Variants in ERBB4 observed in about 807,000 individuals in gnomAD.
ERBB4 encodes the protein receptor tyrosine-protein kinase erbB-4.
ERBB4 carries 42 observed loss-of-function variants against 158.0 expected under a neutral mutation model. That is an observed-to-expected ratio of 0.27 (90% CI 0.21 to 0.34). The LOEUF (loss-of-function observed/expected upper bound fraction) is 0.34. Among genes scored for constraint, ERBB4 ranks in the 10% least tolerant of loss-of-function variants. The probability of loss-of-function intolerance (pLI) is 1.00; values close to 1 mark genes in which losing one functional copy is unlikely to be tolerated. For synonymous variants in ERBB4, 583 were observed against 558.7 expected, an observed-to-expected ratio of 1.04 and a Z score of -0.61; for missense variants, 1,333 against 1,624.1, an observed-to-expected ratio of 0.82 and a Z score of 3.08.
chr2:211,681,508 C>A (rs2072332805), intron 12 of ERBB4, among the ~76,000 whole-genome samples: 1 of 152,122 alleles, frequency 6.6e-6, no homozygotes. Flanking sequence ...ATTTAGTTTC[C>A]CTACATCTTC....
chr2:212,302,118 CAT>C (rs543545017), intron 1 of ERBB4, among the ~76,000 whole-genome samples: 3 of 151,344 alleles, frequency 2.0e-5, no homozygotes, highest in African/African-American at 7.3e-5. Context: ...ATTTACTAGA[CAT>C]GTGATCTTGG....
rs1221490783 is a variant in ERBB4 at position 211,886,401 on chromosome 2, T to C, written c.421+61029A>G. Among the ~76,000 whole-genome samples the C allele has an allele frequency of 2.0e-5, 3 of 152,108 alleles. No individual in the cohort carries two copies. In the East Asian group the frequency reaches 5.8e-4, roughly 29 times the overall value. ...ATCAGCAAGAATAATGCATGGTACA[T>C]GGAAGGCACTCAAAAAATATTCATT... On this transcript the variant is annotated intron_variant, in intron 3 of 27. Transcript: ENST00000342788.
chr2:212,336,093 G>A (rs534981189), intron 1 of ERBB4, among the ~76,000 whole-genome samples: 7 of 151,986 alleles, frequency 4.6e-5, no homozygotes, highest in South Asian at 2.1e-4. Flanking sequence ...GATACATGGC[G>A]GAGGGTCGTA....
chr2:211,701,466 A>T (rs191879820), intron 12 of ERBB4, among the ~76,000 whole-genome samples: 478 of 151,932 alleles, frequency 3.1e-3, no homozygotes, highest in African/African-American at 0.011. Flanking sequence ...TCTTAAGATC[A>T]GGCAAGACGG....
chr2:212,409,989 A>T (rs950399516), intron 1 of ERBB4, among the ~76,000 whole-genome samples: 1 of 152,118 alleles, frequency 6.6e-6, no homozygotes, highest in Non-Finnish European at 1.5e-5. Flanking sequence ...TCATCTTCAG[A>T]AAACAATAAA....
At chr2:211,476,913 T>G (rs1295483699) in intron 20 of ERBB4, among the ~76,000 whole-genome samples, 1 of 152,000 alleles carries the variant, frequency 6.6e-6, no homozygotes, top group Non-Finnish European at 1.5e-5. Flanking sequence ...ACAAATAAAT[T>G]GCAAAGGAAA....
At chr2:211,525,305 G>T (rs1272581196) in intron 20 of ERBB4, among the ~76,000 whole-genome samples, 1 of 152,176 alleles carries the variant, frequency 6.6e-6, no homozygotes, top group African/African-American at 2.4e-5. Flanking sequence ...CAGGAAAGGA[G>T]AGGGAAATGT....
intron 1 of ERBB4, among the ~76,000 whole-genome samples, chr2:212,331,063 TATATATATACAC>T (rs1224051130): frequency 2.5e-4 from 31 of 125,530 alleles, no homozygotes; most frequent in African/African-American, 8.3e-4. Context: ...AATTTGTATA[TATATATATACAC>T]ATATATATAT....
intron 3 of ERBB4, among the ~76,000 whole-genome samples, chr2:211,860,351 T>G (rs544073775): frequency 6.6e-6 from 1 of 152,316 alleles, no homozygotes; most frequent in South Asian, 2.1e-4. Flanking sequence ...TTTATAAGCC[T>G]AACTCTTAAA....
chr2:212,071,206 TA>T (rs1204776749), intron 2 of ERBB4, among the ~76,000 whole-genome samples: 1 of 151,820 alleles, frequency 6.6e-6, no homozygotes, highest in Non-Finnish European at 1.5e-5. Context: ...GCACTTGATA[TA>T]AAAATATTTT....
chr2:211,610,427 A>T (rs1245246072), intron 19 of ERBB4, among the ~76,000 whole-genome samples: 1 of 152,114 alleles, frequency 6.6e-6, no homozygotes, highest in Non-Finnish European at 1.5e-5. Flanking sequence ...TTGAGGTTTG[A>T]CATATTGGAA....
At chr2:211,729,457 G>T (rs1234788568) in intron 5 of ERBB4, among the ~76,000 whole-genome samples, 1 of 151,238 alleles carries the variant, frequency 6.6e-6, no homozygotes, top group Admixed American at 6.6e-5. Flanking sequence ...TAGGCAAAAA[G>T]AACAAAACAA....
chr2:211,838,146 G>A (rs969511470), intron 3 of ERBB4, among the ~76,000 whole-genome samples: 2 of 152,026 alleles, frequency 1.3e-5, no homozygotes, highest in South Asian at 2.1e-4. Flanking sequence ...ACTTGTGTTC[G>A]CTTTCCATGT....
intron 2 of ERBB4, among the ~76,000 whole-genome samples, chr2:212,062,860 G>T (rs1331280339): frequency 6.6e-6 from 1 of 152,114 alleles, no homozygotes; most frequent in Non-Finnish European, 1.5e-5. Context: ...TGTGTATAAT[G>T]TCATCTCCAC....
intron 1 of ERBB4, among the ~76,000 whole-genome samples, chr2:212,393,063 A>G (rs894503699): frequency 2.6e-5 from 4 of 151,996 alleles, no homozygotes; most frequent in Non-Finnish European, 4.4e-5. Flanking sequence ...GCATGGCTCA[A>G]ATCCCTTGCA....
intron 19 of ERBB4, among the ~76,000 whole-genome samples, chr2:211,580,038 G>A (rs930555967): frequency 6.6e-6 from 1 of 152,146 alleles, no homozygotes; most frequent in Non-Finnish European, 1.5e-5. Flanking sequence ...AACCAGAAAC[G>A]TGAATACCCA....
chr2:212,316,226 G>C (rs1221584944), intron 1 of ERBB4, among the ~76,000 whole-genome samples: 2 of 150,636 alleles, frequency 1.3e-5, no homozygotes, highest in African/African-American at 4.9e-5. Context: ...TTTTTTTTCT[G>C]TTACTTGGAG....
chr2:212,079,865 A>G (rs1029585948), intron 2 of ERBB4, among the ~76,000 whole-genome samples: 11 of 152,282 alleles, frequency 7.2e-5, no homozygotes, highest in African/African-American at 2.6e-4. Context: ...ATAGATAGAT[A>G]GATATAAATG....
chr2:211,792,896 C>T (rs140773764), intron 3 of ERBB4, among the ~76,000 whole-genome samples: 16 of 151,788 alleles, frequency 1.1e-4, no homozygotes, highest in Admixed American at 2.0e-4. Context: ...ATGCTAGTTA[C>T]TGCAGTGAAT....
Sources: allele counts gnomAD v4.1 joint callset (sites outside exome capture counted in the v4.1 genomes callset), GRCh38; gene constraint gnomAD v4.1.1; transcripts MANE v1.5; gene names NCBI Gene and HGNC (gene_info 2026-07-23, HGNC 2026-07-21).